The following CHRM3 variants were observed in gnomAD, a reference collection of about 807,000 sequenced individuals.
The protein encoded by CHRM3 is muscarinic acetylcholine receptor M3.
CHRM3 carries 11 observed loss-of-function variants against 41.8 expected under a neutral mutation model. That is an observed-to-expected ratio of 0.26 (90% CI 0.17 to 0.44). CHRM3 has a LOEUF of 0.44. Among genes scored for constraint, CHRM3 ranks in the 20% least tolerant of loss-of-function variants. The pLI, the probability that CHRM3 is intolerant of heterozygous loss-of-function variation, is 1.00. For synonymous variants in CHRM3, 297 were observed against 301.4 expected (o/e 0.99, Z 0.15); for missense variants, 571 against 745.4 (o/e 0.77, Z 2.72).
chr1:239,440,076 T>C (rs1663590136), intron 1 of CHRM3, among the ~76,000 whole-genome samples: 1 of 151,618 alleles, frequency 6.6e-6, no homozygotes, highest in Non-Finnish European at 1.5e-5. Flanking sequence ...TGTGCGCCTA[T>C]AATCCCAGCT....
At chr1:239,830,864 A>G (rs1672843726) in intron 6 of CHRM3, among the ~76,000 whole-genome samples, 1 of 152,140 alleles carries the variant, frequency 6.6e-6, no homozygotes, top group Admixed American at 6.5e-5. Context: ...CCCCCCTGAA[A>G]CAACCATATT....
intron 3 of CHRM3, among the ~76,000 whole-genome samples, chr1:239,622,831 G>T (rs1668532362): frequency 6.6e-6 from 1 of 152,160 alleles, no homozygotes; most frequent in Non-Finnish European, 1.5e-5. Context: ...TTTTTAAAAA[G>T]TTCTACTGTG....
chr1:239,814,702 T>C (rs767329349), intron 5 of CHRM3, among the ~76,000 whole-genome samples: 6 of 152,216 alleles, frequency 3.9e-5, no homozygotes, highest in Non-Finnish European at 8.8e-5. Flanking sequence ...GCCCAGCAAG[T>C]GGCTGCTGAG....
intron 3 of CHRM3, among the ~76,000 whole-genome samples, chr1:239,577,042 AG>A (rs1267016478): frequency 1.3e-5 from 2 of 152,216 alleles, no homozygotes; most frequent in African/African-American, 4.8e-5. Flanking sequence ...GACCATTTGA[AG>A]TCTTTAGGTT....
intron 5 of CHRM3, among the ~76,000 whole-genome samples, chr1:239,699,807 GA>G (rs1315151622): frequency 6.6e-6 from 1 of 152,088 alleles, no homozygotes; most frequent in Non-Finnish European, 1.5e-5. Context: ...ATACCCAAAA[GA>G]ATAAGGAAAA....
At chr1:239,740,444 T>C (rs1365685879) in intron 5 of CHRM3, among the ~76,000 whole-genome samples, 1 of 151,812 alleles carries the variant, frequency 6.6e-6, no homozygotes, top group Admixed American at 6.6e-5. Context: ...ACCAAGAAAG[T>C]TGACATTGAG....
At chr1:239,870,445 A>T (rs971803545) in intron 6 of CHRM3, among the ~76,000 whole-genome samples, 1 of 152,186 alleles carries the variant, frequency 6.6e-6, no homozygotes, top group Non-Finnish European at 1.5e-5. Context: ...GCGACATGCC[A>T]GACATTCAAC....
At chr1:239,653,707 AAGT>A (rs1486113098) in intron 4 of CHRM3, among the ~76,000 whole-genome samples, 1 of 152,210 alleles carries the variant, frequency 6.6e-6, no homozygotes, top group Non-Finnish European at 1.5e-5. Context: ...AAAATCAGAC[AAGT>A]AGGCATAGAG....
At chr1:239,774,646 A>T (rs955101994) in intron 5 of CHRM3, among the ~76,000 whole-genome samples, 4 of 152,226 alleles carry the variant, frequency 2.6e-5, no homozygotes, top group African/African-American at 9.6e-5. Context: ...GAATAATGTT[A>T]GCCATCCTTT....
intron 5 of CHRM3, among the ~76,000 whole-genome samples, chr1:239,765,279 C>T (rs1384315112): frequency 2.6e-5 from 4 of 152,296 alleles, no homozygotes; most frequent in African/African-American, 7.2e-5. Context: ...CTATCTCTGT[C>T]CTCCCTGATG....
chr1:239,767,163 G>T (rs1667294776), intron 5 of CHRM3, among the ~76,000 whole-genome samples: 1 of 151,968 alleles, frequency 6.6e-6, no homozygotes, highest in Non-Finnish European at 1.5e-5. Context: ...GAAAATCTTT[G>T]TCACATGGAA....
intron 3 of CHRM3, among the ~76,000 whole-genome samples, chr1:239,561,324 G>A (rs1018327976): frequency 6.6e-6 from 1 of 152,136 alleles, no homozygotes; most frequent in African/African-American, 2.4e-5. Flanking sequence ...GCGGAGCCCT[G>A]TATGGCCATT....
At chr1:239,571,948 C>T (rs1400629062) in intron 3 of CHRM3, among the ~76,000 whole-genome samples, 1 of 152,162 alleles carries the variant, frequency 6.6e-6, no homozygotes, top group Non-Finnish European at 1.5e-5. Flanking sequence ...CAAGCCCTGG[C>T]TCAGCCAGTA....
Position 239,766,714 on chromosome 1 carries a change from G to GATAGATATAC in CHRM3, c.-146-60535_-146-60534insGATATACATA, listed in dbSNP as rs1053824284. On this transcript the variant is annotated intron_variant, in intron 5 of 6. Coordinates refer to ENST00000676153, the MANE Select transcript of CHRM3 (RefSeq NM_001375978.1). ...AGATATAGATATAGATATAGATATA[G>GATAGATATAC]ATATAATTTTTCTTTGAGACAGAAT... is the stretch of plus-strand genomic sequence containing the variant. Among the ~76,000 whole-genome samples the GATAGATATAC allele has an allele frequency of 3.2e-3, 381 of 119,988 alleles. 1 individual carries two copies. The highest frequency in any genetic ancestry group is 9.9e-3 in the African/African-American group (367 of 37,026). The allele number at this position is 119,988 out of a possible 152,430, so 78.7% of individuals were successfully genotyped here.
At position 239,424,755 on chromosome 1, in the gene CHRM3, T is replaced by TG. The variant is rs531617695; in HGVS notation, c.-521+37532dup. 1.4e-4 allele frequency among the ~76,000 whole-genome samples: 22 copies of TG among 152,200 alleles called. 1 individual carries two copies. The East Asian group carries it at 4.2e-3, about 29-fold the overall frequency. ...CACTCAATGGCCTAAAAGAAGGCTG[T>TG]GGGGATGGAGGGGTACAGTGCTGGG... On this transcript the variant is annotated intron_variant, in intron 1 of 6. Coordinates refer to ENST00000676153, the MANE Select transcript of CHRM3 (RefSeq NM_001375978.1).
chr1:239,874,159 A>G (rs1212941072), intron 6 of CHRM3, among the ~76,000 whole-genome samples: 1 of 150,770 alleles, frequency 6.6e-6, no homozygotes, highest in Non-Finnish European at 1.5e-5. Context: ...GTCCATTTGA[A>G]CTCAGTTTGA....
At chr1:239,416,325 C>T (rs1412349883) in intron 1 of CHRM3, among the ~76,000 whole-genome samples, 1 of 151,530 alleles carries the variant, frequency 6.6e-6, no homozygotes, top group Non-Finnish European at 1.5e-5. Flanking sequence ...ATTTCAAACC[C>T]GCCCTTGATT....
At chr1:239,738,417 A>G (rs778021019) in intron 5 of CHRM3, among the ~76,000 whole-genome samples, 5 of 152,164 alleles carry the variant, frequency 3.3e-5, no homozygotes, top group Non-Finnish European at 5.9e-5. Flanking sequence ...CAGTCGGGTC[A>G]TCAGGTGGTT....
At chr1:239,525,897 C>G (rs1034628231) in intron 2 of CHRM3, among the ~76,000 whole-genome samples, 10 of 152,244 alleles carry the variant, frequency 6.6e-5, no homozygotes, top group Non-Finnish European at 1.5e-4. Context: ...TTTAAGAAAC[C>G]CTGATGCCCA....
Sources: gnomAD v4.1 joint callset for allele counts (sites outside exome capture counted in the v4.1 genomes callset) on GRCh38, gnomAD v4.1.1 for gene constraint, MANE v1.5 for transcripts, NCBI Gene and HGNC (gene_info 2026-07-23, HGNC 2026-07-21) for gene names.